The following LRBA variants were observed in gnomAD, a reference collection of about 807,000 sequenced individuals.
The protein encoded by LRBA is lipopolysaccharide-responsive and beige-like anchor protein.
Under a neutral mutation model 330.0 loss-of-function variants are expected in LRBA, and 176 were observed. The ratio of observed to expected loss-of-function variants is 0.53; its 90% CI spans 0.47 to 0.60. The LOEUF is 0.60. Ranked by LOEUF, LRBA falls within the 20% of genes least tolerant of loss-of-function variation. The pLI is 0.00. For missense variants in LRBA, 3,259 were observed against 3,444.8 expected (o/e 0.95, Z 1.35); for synonymous variants, 1,230 against 1,193.0 (o/e 1.03, Z -0.64).
chr4:150,338,745 T>G (rs978581166), intron 48 of LRBA, among the ~76,000 whole-genome samples: 1 of 152,194 alleles, frequency 6.6e-6, no homozygotes, highest in African/African-American at 2.4e-5. Context: ...CAATGAGTTC[T>G]GTAGCAGAGG....
intron 36 of LRBA, among the ~76,000 whole-genome samples, chr4:150,693,370 C>A (rs1303938891): frequency 6.6e-6 from 1 of 151,298 alleles, no homozygotes; most frequent in Admixed American, 6.6e-5. Flanking sequence ...GAGACCATCC[C>A]GGCTAAAACG....
chr4:150,277,815 T>C (rs1380069299), intron 56 of LRBA, 38 bp downstream of exon 56: 1 of 1,604,830 alleles, frequency 6.2e-7, no homozygotes, highest in South Asian at 1.1e-5. Context: ...TCTGCAGTTT[T>C]TGAAACCCCT....
chr4:150,482,481 T>C (rs1426041324), intron 42 of LRBA, among the ~76,000 whole-genome samples: 1 of 152,128 alleles, frequency 6.6e-6, no homozygotes, highest in Non-Finnish European at 1.5e-5. Flanking sequence ...GTGATGAATA[T>C]GGCTGCTATA....
At chr4:150,940,067 T>C (rs950396211) in intron 2 of LRBA, among the ~76,000 whole-genome samples, 5 of 150,866 alleles carry the variant, frequency 3.3e-5, no homozygotes, top group Admixed American at 6.6e-5. Flanking sequence ...ACGTAGATAA[T>C]AAACTTAAAA....
intron 2 of LRBA, among the ~76,000 whole-genome samples, chr4:151,010,165 G>T (rs1036931565): frequency 2.0e-5 from 3 of 152,086 alleles, no homozygotes; most frequent in Non-Finnish European, 4.4e-5. Flanking sequence ...AGGGGTGACT[G>T]TAATTACTTA....
intron 2 of LRBA, among the ~76,000 whole-genome samples, chr4:150,951,563 C>T (rs984264356): frequency 1.3e-5 from 2 of 152,114 alleles, no homozygotes; most frequent in Non-Finnish European, 2.9e-5. Context: ...TACAACTTGG[C>T]ATCTTAGACT....
Position 150,683,609 on chromosome 4 carries a change from G to A in LRBA, c.5863C>T (p.Gln1955Ter). ...TCTGTGAGAATGTTGATAATTTTCT[G>A]GATTAGTTGAGTTGCTGTCACGTGG... Reference protein sequence around the residue: ...RDHVTATQLIQKIINILTDKH... With the variant: ...RDHVTATQLI The change falls in exon 37 of 57, where the codon CAG becomes TAG. Residue 1955 changes from glutamine to a stop codon, truncating the protein, a stop_gained. Transcript: ENST00000651943. LOFTEE classifies it high-confidence loss of function. 1 of 1,613,582 alleles carries A rather than the reference G, an allele frequency of 6.2e-7. No individual in the cohort carries two copies. The highest frequency in any genetic ancestry group is 8.5e-7 in the Non-Finnish European group (1 of 1,179,686).
At chr4:150,545,711 GTTAGA>G (rs1765784527) in intron 40 of LRBA, among the ~76,000 whole-genome samples, 1 of 152,040 alleles carries the variant, frequency 6.6e-6, no homozygotes, top group African/African-American at 2.4e-5. Context: ...GACATAAAAA[GTTAGA>G]TTAGAAGTTA....
intron 13 of LRBA, among the ~76,000 whole-genome samples, chr4:150,901,668 T>TA (rs1407850810): frequency 1.3e-5 from 2 of 152,208 alleles, no homozygotes; most frequent in Non-Finnish European, 2.9e-5. Context: ...CTAAATGAAT[T>TA]AGAGTGTCAG....
chr4:150,914,351 A>T lies in LRBA; in HGVS notation c.1015-10T>A. On this transcript the variant is annotated splice_polypyrimidine_tract_variant and intron_variant, in intron 8 of 56. Transcript: ENST00000651943. Reference sequence around the variant, plus strand: ...AACATTTGTCAAAGGTCTGTAAAAGAAAAAAAAAAAGGAATTAGGAAAAAA... The same window carrying T: ...AACATTTGTCAAAGGTCTGTAAAAGTAAAAAAAAAAGGAATTAGGAAAAAA... 1 of 763,162 alleles carries T rather than the reference A, an allele frequency of 1.3e-6. No homozygotes were observed. The highest frequency in any genetic ancestry group is 1.8e-6 in the Non-Finnish European group (1 of 567,966). 47.3% of individuals were successfully genotyped at this position (763,162 alleles called of 1,614,324 possible).
chr4:150,569,489 T>A (rs1369165217), intron 40 of LRBA, among the ~76,000 whole-genome samples: 1 of 152,140 alleles, frequency 6.6e-6, no homozygotes, highest in Non-Finnish European at 1.5e-5. Flanking sequence ...CTTGCGTAAG[T>A]CACAACTGAT....
intron 28 of LRBA, among the ~76,000 whole-genome samples, chr4:150,839,458 T>C (rs557688019): frequency 6.6e-6 from 1 of 152,306 alleles, no homozygotes; most frequent in Admixed American, 6.5e-5. Flanking sequence ...TGCAGGACTA[T>C]TCACAATAGC....
intron 40 of LRBA, among the ~76,000 whole-genome samples, chr4:150,557,523 T>C (rs1445981892): frequency 6.6e-6 from 1 of 151,494 alleles, no homozygotes; most frequent in Non-Finnish European, 1.5e-5. Context: ...CAAGATCCCA[T>C]CCAAGACACC....
At chr4:150,304,499 C>T (rs1304806603) in intron 52 of LRBA, among the ~76,000 whole-genome samples, 1 of 151,846 alleles carries the variant, frequency 6.6e-6, no homozygotes, top group Admixed American at 6.6e-5. Flanking sequence ...TAATATAGTA[C>T]TTTTTTTCTC....
intron 40 of LRBA, chr4:150,580,549 G>A (rs1036343816): frequency 3.9e-5 from 6 of 152,188 alleles, no homozygotes; most frequent in African/African-American, 1.2e-4. Context: ...CTAAAACGAA[G>A]TCTTCACCCA....
chr4:150,922,352 A>G (rs192925555), intron 4 of LRBA, among the ~76,000 whole-genome samples: 165 of 150,598 alleles, frequency 1.1e-3, no homozygotes, highest in Non-Finnish European at 1.7e-3. Flanking sequence ...CATGGAACCT[A>G]CCCAAATGCC....
intron 47 of LRBA, among the ~76,000 whole-genome samples, chr4:150,379,343 C>T (rs1487908893): frequency 7.4e-6 from 1 of 134,882 alleles, no homozygotes; most frequent in Non-Finnish European, 1.6e-5. Flanking sequence ...CAGAATTCAT[C>T]ATTAAATTCC....
chr4:150,643,694 T>C (rs1778886773), intron 37 of LRBA, among the ~76,000 whole-genome samples: 1 of 151,920 alleles, frequency 6.6e-6, no homozygotes, highest in Non-Finnish European at 1.5e-5. Context: ...TTAGCTGTAA[T>C]ATAGGATAAA....
intron 56 of LRBA, among the ~76,000 whole-genome samples, chr4:150,275,516 G>A (rs1746641910): frequency 6.6e-6 from 1 of 152,158 alleles, no homozygotes; most frequent in Admixed American, 6.5e-5. Context: ...TGACATGATT[G>A]TATATTTAGA....
Sources: gnomAD v4.1 joint callset for allele counts (sites outside exome capture counted in the v4.1 genomes callset) on GRCh38, gnomAD v4.1.1 for gene constraint, MANE v1.5 for transcripts, NCBI Gene and HGNC (gene_info 2026-07-23, HGNC 2026-07-21) for gene names.